Variants in POLR3B observed in about 807,000 individuals in gnomAD.
POLR3B encodes RNA polymerase III subunit B, also known as DNA-directed RNA polymerase III subunit RPC2.
Under a neutral mutation model 147.4 loss-of-function variants are expected in POLR3B, and 96 were observed. The observed-to-expected ratio is 0.65, with a 90% CI of 0.55 to 0.77. POLR3B has a LOEUF of 0.77. Ranked by LOEUF, POLR3B falls within the 30% of genes least tolerant of loss-of-function variation. The probability of loss-of-function intolerance (pLI) is 0.00; values close to 1 mark genes in which losing one functional copy is unlikely to be tolerated. For missense variants in POLR3B, 1,036 were observed against 1,413.5 expected (o/e 0.73, Z 4.28); for synonymous variants, 461 against 485.9 (o/e 0.95, Z 0.67).
intron 25 of POLR3B, 140 bp from the exon 26 acceptor site, chr12:106,501,183 T>G (rs978952509): frequency 5.8e-6 from 4 of 684,866 alleles, no homozygotes; most frequent in Non-Finnish European, 1.1e-5. Flanking sequence ...CAACTAGTCT[T>G]TTCATTCACT....
intron 6 of POLR3B, among the ~76,000 whole-genome samples, chr12:106,373,079 T>C (rs1235864364): frequency 2.0e-5 from 3 of 152,232 alleles, no homozygotes; most frequent in Non-Finnish European, 4.4e-5. Flanking sequence ...TTTTGTGCCA[T>C]TGTCTGTGTA....
intron 27 of POLR3B, among the ~76,000 whole-genome samples, chr12:106,507,037 G>C (rs970322985): frequency 9.9e-5 from 15 of 152,250 alleles, no homozygotes; most frequent in African/African-American, 3.6e-4. Flanking sequence ...CATTGCTATG[G>C]GGATGTTTAC....
At chr12:106,369,782 T>A (rs1565874472) in intron 6 of POLR3B, 99 bp downstream of exon 6, 3 of 777,606 alleles carry the variant, frequency 3.9e-6, no homozygotes, top group Non-Finnish European at 6.8e-6. Flanking sequence ...ATGCTGCCTA[T>A]TTCATAGGTC....
chr12:106,445,530 A>G (rs184705425), intron 19 of POLR3B, among the ~76,000 whole-genome samples: 8 of 152,214 alleles, frequency 5.3e-5, no homozygotes, highest in Admixed American at 1.3e-4. Context: ...GAGGTGCCAT[A>G]TGTTGAGGAG....
Position 106,459,259 on chromosome 12 carries a change from G to A in POLR3B, c.2461G>A (p.Val821Ile), listed in dbSNP as rs1218609049. Residue 821 changes from valine to isoleucine, a missense_variant, in exon 22 of 28, where the codon GTA (valine) becomes ATA (isoleucine). Physicochemically the swap from Val to Ile is conservative, Grantham distance 29. Coordinates refer to ENST00000228347, the MANE Select transcript of POLR3B (RefSeq NM_018082.6). ...ADGICSPGEK[V>I]ENKQVLVNKS... ...TTTTCTTTTTTTCTCAGGTGAGAAA[G>A]TAGAAAACAAACAAGTGCTTGTAAA... 2 of 1,580,372 alleles carry A rather than the reference G, an allele frequency of 1.3e-6. No individual in the cohort carries two copies. Among genetic ancestry groups the A allele is most frequent in the East Asian group, 4.5e-5 (2 of 44,700 alleles).
intron 12 of POLR3B, among the ~76,000 whole-genome samples, chr12:106,422,643 G>A (rs549721205): frequency 2.6e-5 from 4 of 152,188 alleles, no homozygotes; most frequent in Non-Finnish European, 4.4e-5. Flanking sequence ...TCATTTCCTC[G>A]CTGATCCAAA....
intron 23 of POLR3B, among the ~76,000 whole-genome samples, chr12:106,483,512 G>A (rs1316309157): frequency 2.0e-5 from 3 of 152,122 alleles, no homozygotes; most frequent in Non-Finnish European, 2.9e-5. Flanking sequence ...AAATTATATG[G>A]GAGAAACCAC....
chr12:106,500,713 C>T (rs2038585254), intron 25 of POLR3B, among the ~76,000 whole-genome samples: 1 of 152,150 alleles, frequency 6.6e-6, no homozygotes, highest in African/African-American at 2.4e-5. Context: ...AAGAGAGGAA[C>T]AGGCTTGCTC....
At chr12:106,502,030 C>T (rs2038610766) in intron 26 of POLR3B, among the ~76,000 whole-genome samples, 1 of 152,206 alleles carries the variant, frequency 6.6e-6, no homozygotes, top group Non-Finnish European at 1.5e-5. Context: ...TACTAAGTTT[C>T]ACATGTTCTT....
intron 17 of POLR3B, 109 bp from the exon 18 acceptor site, chr12:106,437,572 G>T (rs1353013321): frequency 1.4e-6 from 1 of 708,308 alleles, no homozygotes; most frequent in Non-Finnish European, 2.6e-6. Context: ...TATTCTCTGG[G>T]AGAGAAAGGT....
chr12:106,414,609 T>G (rs535323899), intron 12 of POLR3B, among the ~76,000 whole-genome samples: 1 of 152,250 alleles, frequency 6.6e-6, no homozygotes, highest in East Asian at 1.9e-4. Context: ...TTGGGTTTGC[T>G]TATTGCTCCC....
chr12:106,384,661 C>T (rs988757157), intron 9 of POLR3B, among the ~76,000 whole-genome samples: 8 of 151,912 alleles, frequency 5.3e-5, no homozygotes, highest in Non-Finnish European at 7.4e-5. Context: ...ATAAGATGGC[C>T]CCCTAGTATA....
At chr12:106,411,755 C>A (rs962510620) in intron 12 of POLR3B, among the ~76,000 whole-genome samples, 3 of 152,146 alleles carry the variant, frequency 2.0e-5, no homozygotes, top group Non-Finnish European at 2.9e-5. Flanking sequence ...TCTCTAATCT[C>A]ATTTTAAGTC....
chr12:106,436,404 C>G (rs887218041), intron 16 of POLR3B, among the ~76,000 whole-genome samples: 11 of 152,188 alleles, frequency 7.2e-5, no homozygotes, highest in African/African-American at 2.7e-4. Flanking sequence ...TCTCCACCTT[C>G]CACCCATTAC....
intron 23 of POLR3B, among the ~76,000 whole-genome samples, chr12:106,491,390 A>T (rs1173904992): frequency 6.6e-6 from 1 of 152,100 alleles, no homozygotes; most frequent in Non-Finnish European, 1.5e-5. Flanking sequence ...GGGGTGATGA[A>T]TTTTTTACAG....
rs572050249 is a variant in POLR3B at position 106,466,645 on chromosome 12, G to A, written c.2713+3025G>A. Among the ~76,000 whole-genome samples the A allele has an allele frequency of 4.6e-5, 7 of 152,210 alleles. No individual in the cohort carries two copies. The South Asian group carries it at 1.5e-3, about 32-fold the overall frequency. On this transcript the variant is annotated intron_variant, in intron 23 of 27. Transcript: ENST00000228347. ...ATTTTTGTATAAGGTGTAAGGAAGGGGTCCAGTTTCAGTTTTGTGCATATG... is the reference window on the plus strand; with the variant it reads ...ATTTTTGTATAAGGTGTAAGGAAGGAGTCCAGTTTCAGTTTTGTGCATATG...
At chr12:106,476,767 T>G (rs2038177096) in intron 23 of POLR3B, among the ~76,000 whole-genome samples, 1 of 152,000 alleles carries the variant, frequency 6.6e-6, no homozygotes, top group Non-Finnish European at 1.5e-5. Context: ...TATACATTCT[T>G]CTAAATTTTT....
chr12:106,500,363 A>G (rs2038579268), intron 25 of POLR3B, among the ~76,000 whole-genome samples: 1 of 152,234 alleles, frequency 6.6e-6, no homozygotes, highest in African/African-American at 2.4e-5. Flanking sequence ...TATGTAATAG[A>G]CATTTATTGA....
chr12:106,463,679 C>A, intron 23 of POLR3B, 59 bp downstream of exon 23: 1 of 1,414,050 alleles, frequency 7.1e-7, no homozygotes, highest in Admixed American at 1.7e-5. Context: ...ATTTGTTAAC[C>A]ACTTAAATAA....
Sources: allele counts gnomAD v4.1 joint callset (sites outside exome capture counted in the v4.1 genomes callset), GRCh38; gene constraint gnomAD v4.1.1; transcripts MANE v1.5; gene names NCBI Gene and HGNC (gene_info 2026-07-23, HGNC 2026-07-21).